The following SLC17A3 variants were observed in gnomAD, a reference collection of about 807,000 sequenced individuals.
SLC17A3 encodes solute carrier family 17 member 3.
A neutral mutation model predicts 60.3 loss-of-function variants in SLC17A3; 61 were observed. The observed-to-expected ratio is 1.01, with a 90% CI of 0.82 to 1.25. The LOEUF (loss-of-function observed/expected upper bound fraction) is 1.25. Among genes scored for constraint, SLC17A3 ranks in the 50% most tolerant of loss-of-function variants. The probability of loss-of-function intolerance (pLI) is 0.00; values close to 1 mark genes in which losing one functional copy is unlikely to be tolerated. For missense variants in SLC17A3, 624 were observed against 594.9 expected (o/e 1.05, Z -0.51); for synonymous variants, 192 against 208.9 (o/e 0.92, Z 0.70).
rs1378123034 is a variant in SLC17A3 at position 25,845,171 on chromosome 6, A to T, written c.*130T>A. On this transcript the variant is annotated 3_prime_UTR_variant, in exon 13 of 13. Coordinates refer to ENST00000397060, the MANE Select transcript of SLC17A3 (RefSeq NM_001098486.2). ...CTCAAAAAAAAGTCTGAATAAAATA[A>T]TGAACTGATCTCATAATTGAAAAGA... 3.7e-6 allele frequency: 2 copies of T among 539,108 alleles called. No homozygotes were observed. Among genetic ancestry groups the T allele is most frequent in the Non-Finnish European group, 6.6e-6 (2 of 302,062 alleles). The allele number at this position is 539,108 out of a possible 1,614,324, so 33.4% of individuals were successfully genotyped here.
intron 2 of SLC17A3, 145 bp from the exon 3 acceptor site, chr6:25,862,589 G>A: frequency 1.3e-6 from 1 of 742,518 alleles, no homozygotes; most frequent in South Asian, 1.6e-5. Context: ...ATGAAAGGAA[G>A]ATACAAAAGG....
chr6:25,860,059 T>C (rs1406135633), intron 5 of SLC17A3, among the ~76,000 whole-genome samples: 2 of 152,206 alleles, frequency 1.3e-5, no homozygotes, highest in African/African-American at 2.4e-5. Flanking sequence ...CATTTGTGTT[T>C]CTAAGATTAA....
At chr6:25,862,178 C>A in intron 3 of SLC17A3, 55 bp downstream of exon 3, 2 of 1,507,608 alleles carry the variant, frequency 1.3e-6, no homozygotes, top group South Asian at 1.1e-5. Context: ...AAATAAATAT[C>A]CAAGCAAATA....
chr6:25,859,524 C>A (rs767766762), intron 5 of SLC17A3, among the ~76,000 whole-genome samples: 1 of 152,188 alleles, frequency 6.6e-6, no homozygotes, highest in African/African-American at 2.4e-5. Context: ...AATTCAGTAC[C>A]CACTGGAGAT....
At chr6:25,864,762 A>C (rs1765508226) in intron 2 of SLC17A3, among the ~76,000 whole-genome samples, 1 of 152,036 alleles carries the variant, frequency 6.6e-6, no homozygotes, top group Non-Finnish European at 1.5e-5. Flanking sequence ...TTAGAAGAGA[A>C]GTAGGAGTTG....
At chr6:25,855,914 T>A (rs1311348566) in intron 5 of SLC17A3, among the ~76,000 whole-genome samples, 3 of 152,174 alleles carry the variant, frequency 2.0e-5, no homozygotes, top group African/African-American at 7.2e-5. Context: ...GTAAACAGGA[T>A]CATAATGTTT....
intron 1 of SLC17A3, among the ~76,000 whole-genome samples, chr6:25,872,304 T>C (rs1295984470): frequency 1.4e-5 from 2 of 147,904 alleles, no homozygotes; most frequent in African/African-American, 5.1e-5. Flanking sequence ...TAGCTTGGAA[T>C]TGGCCATAAT....
At chr6:25,865,634 T>C (rs1765521370) in intron 2 of SLC17A3, among the ~76,000 whole-genome samples, 1 of 151,706 alleles carries the variant, frequency 6.6e-6, no homozygotes, top group Non-Finnish European at 1.5e-5. Context: ...AACTAGAGAG[T>C]GTATTTAAAA....
At chr6:25,871,805 C>T (rs908300032) in intron 1 of SLC17A3, among the ~76,000 whole-genome samples, 4 of 151,876 alleles carry the variant, frequency 2.6e-5, no homozygotes, top group Non-Finnish European at 4.4e-5. Flanking sequence ...GGATGGTTGG[C>T]TTTTTGTTTC....
At chr6:25,861,079 C>T (rs1384909393) in intron 5 of SLC17A3, among the ~76,000 whole-genome samples, 1 of 152,170 alleles carries the variant, frequency 6.6e-6, no homozygotes, top group Non-Finnish European at 1.5e-5. Flanking sequence ...CTTAACCATA[C>T]ACTGTCCATT....
intron 5 of SLC17A3, among the ~76,000 whole-genome samples, chr6:25,859,514 A>G (rs1271343833): frequency 1.3e-5 from 2 of 152,202 alleles, no homozygotes; most frequent in African/African-American, 4.8e-5. Context: ...GTCTGGGCCT[A>G]ATTCAGTACC....
intron 3 of SLC17A3, 22 bp from the exon 4 acceptor site, chr6:25,862,051 G>A (rs1243050640): frequency 1.3e-6 from 2 of 1,559,252 alleles, no homozygotes; most frequent in South Asian, 2.3e-5. Context: ...AGAGAATGCT[G>A]TAGTAAACCT....
In SLC17A3 at chr6:25,869,909, T is replaced by C. The variant is rs139102277; in HGVS notation, c.-33-1489A>G. ...TTTATTTCACTCAGTATAATTATTC[T>C]AAAATCCATCCATGTTGTTGTACAT... On this transcript the variant is annotated intron_variant, in intron 1 of 12. Coordinates refer to ENST00000397060, the MANE Select transcript of SLC17A3 (RefSeq NM_001098486.2). 1.7e-3 allele frequency among the ~76,000 whole-genome samples: 266 copies of C among 152,176 alleles called. 1 individual carries two copies. Among genetic ancestry groups the C allele is most frequent in the African/African-American group, 5.9e-3 (244 of 41,558 alleles).
At chr6:25,869,640 A>G (rs369745366) in intron 1 of SLC17A3, among the ~76,000 whole-genome samples, 2 of 152,014 alleles carry the variant, frequency 1.3e-5, no homozygotes, top group Non-Finnish European at 2.9e-5. Flanking sequence ...TACATCTTAC[A>G]TGGCAGCAAG....
Position 25,850,470 on chromosome 6 carries a change from T to C in SLC17A3, c.982A>G (p.Asn328Asp), listed in dbSNP as rs368019765. Residue 328 changes from asparagine to aspartate, a missense_variant, in exon 8 of 13, where the codon AAC becomes GAC. Transcript: ENST00000397060. Reference protein sequence around the residue: ...PTYISSVYHVNIRDNGLLSAL... With the variant: ...PTYISSVYHVDIRDNGLLSAL... ...GGAAACATACTCACGTCTCTGATGT[T>C]AACATGGTACACAGAGCTGATGTAA... is the stretch of plus-strand genomic sequence containing the variant. 6.2e-6 allele frequency: 10 copies of C among 1,613,718 alleles called. No homozygotes were observed. In the African/African-American group the frequency reaches 6.7e-5, roughly 11 times the overall value.
Position 25,844,965 on chromosome 6 carries a change from C to A in SLC17A3, c.*336G>T. On this transcript the variant is annotated 3_prime_UTR_variant, in exon 13 of 13. Coordinates refer to ENST00000397060, the MANE Select transcript of SLC17A3 (RefSeq NM_001098486.2). ...TTTCACAAACAGGAAAAATCATTGCCCTAGTGAGTTTGTCACCCCGGATTA... is the reference window on the plus strand; with the variant it reads ...TTTCACAAACAGGAAAAATCATTGCACTAGTGAGTTTGTCACCCCGGATTA... 1 of 192,604 alleles carries A rather than the reference C, an allele frequency of 5.2e-6. No homozygotes were observed. The highest frequency in any genetic ancestry group is 5.4e-5 in the Admixed American group (1 of 18,506). 11.9% of individuals were successfully genotyped at this position (192,604 alleles called of 1,614,324 possible). A position where few individuals can be genotyped will look rare whatever the true frequency, so the allele number is the denominator to read the frequency against.
At chr6:25,848,564 T>C (rs1765217367) in intron 11 of SLC17A3, among the ~76,000 whole-genome samples, 1 of 152,186 alleles carries the variant, frequency 6.6e-6, no homozygotes, top group Admixed American at 6.5e-5. Context: ...AGAATGAAAT[T>C]GGATTCTCAT....
chr6:25,865,137 C>A (rs1011142855), intron 2 of SLC17A3, among the ~76,000 whole-genome samples: 1 of 152,000 alleles, frequency 6.6e-6, no homozygotes, highest in Admixed American at 6.6e-5. Flanking sequence ...CACAGAGAGA[C>A]CAGCTCACAA....
At chr6:25,866,646 G>C (rs887683555) in intron 2 of SLC17A3, among the ~76,000 whole-genome samples, 1 of 151,948 alleles carries the variant, frequency 6.6e-6, no homozygotes, top group Non-Finnish European at 1.5e-5. Flanking sequence ...AGAATTTTGG[G>C]AGGTATTGAA....
Sources: allele counts gnomAD v4.1 joint callset (sites outside exome capture counted in the v4.1 genomes callset), GRCh38; gene constraint gnomAD v4.1.1; transcripts MANE v1.5; gene names NCBI Gene and HGNC (gene_info 2026-07-23, HGNC 2026-07-21).